Variants in MDGA2 observed in about 807,000 individuals in gnomAD.
The protein encoded by MDGA2 is MAM domain containing glycosylphosphatidylinositol anchor 2, also known as MAM domain-containing glycosylphosphatidylinositol anchor protein 2.
In MDGA2, 40 loss-of-function variants were observed where a neutral mutation model predicts 117.8. The observed-to-expected ratio is 0.34, with a 90% CI of 0.26 to 0.44. The LOEUF is 0.44. MDGA2 is among the 20% of genes least tolerant of loss of function. MDGA2 has a pLI of 1.00. For synonymous variants in MDGA2, 452 were observed against 439.0 expected, an observed-to-expected ratio of 1.03 and a Z score of -0.37; for missense variants, 1,123 against 1,250.6, an observed-to-expected ratio of 0.90 and a Z score of 1.54.
intron 3 of MDGA2, among the ~76,000 whole-genome samples, chr14:47,187,470 C>A (rs1884952675): frequency 6.6e-6 from 1 of 151,934 alleles, no homozygotes; most frequent in African/African-American, 2.4e-5. Context: ...CTTAAAAATT[C>A]ATTGAAATTT....
intron 3 of MDGA2, among the ~76,000 whole-genome samples, chr14:47,201,873 T>C (rs1204484412): frequency 6.6e-6 from 1 of 152,208 alleles, no homozygotes; most frequent in African/African-American, 2.4e-5. Context: ...AAATGGGACT[T>C]GTACCTATTT....
intron 1 of MDGA2, among the ~76,000 whole-genome samples, chr14:47,399,384 T>G (rs751931277): frequency 6.6e-6 from 1 of 152,138 alleles, no homozygotes; most frequent in African/African-American, 2.4e-5. Flanking sequence ...AAACTGGAAA[T>G]AGGAAATATC....
At chr14:46,845,022 C>G (rs1180197595) in intron 16 of MDGA2, among the ~76,000 whole-genome samples, 1 of 152,164 alleles carries the variant, frequency 6.6e-6, no homozygotes, top group African/African-American at 2.4e-5. Flanking sequence ...GCTGGGACTA[C>G]AGGGACTACA....
intron 7 of MDGA2, chr14:47,059,380 C>T (rs1206753701): frequency 1.7e-6 from 2 of 1,168,744 alleles, no homozygotes; most frequent in African/African-American, 3.1e-5. Flanking sequence ...AATAGTGTTA[C>T]CTTGGGTAGC....
intron 1 of MDGA2, among the ~76,000 whole-genome samples, chr14:47,537,598 A>AAAAAACTT (rs1895246972): frequency 6.9e-6 from 1 of 145,048 alleles, no homozygotes; most frequent in African/African-American, 2.7e-5. Flanking sequence ...AAAAAAAAAA[A>AAAAAACTT]AAAAAAAAAA....
intron 2 of MDGA2, among the ~76,000 whole-genome samples, chr14:47,271,871 T>G (rs1374199736): frequency 6.6e-6 from 1 of 152,170 alleles, no homozygotes; most frequent in South Asian, 2.1e-4. Flanking sequence ...GAAAAACTGT[T>G]TTAATCTAGG....
intron 1 of MDGA2, among the ~76,000 whole-genome samples, chr14:47,466,416 C>A (rs181546632): frequency 6.6e-6 from 1 of 152,048 alleles, no homozygotes; most frequent in Non-Finnish European, 1.5e-5. Context: ...ATGTGAAAAC[C>A]GAATTGACAG....
intron 9 of MDGA2, among the ~76,000 whole-genome samples, chr14:46,953,750 CATAATTAG>C: frequency 6.6e-6 from 1 of 152,000 alleles, no homozygotes; most frequent in Non-Finnish European, 1.5e-5. Context: ...TTAGTGGGAA[CATAATTAG>C]AATAGCTTAG....
chr14:47,068,408 GAA>G lies in MDGA2; in HGVS notation c.1196-6832_1196-6831del, dbSNP rs34161987. 9.0e-5 allele frequency among the ~76,000 whole-genome samples: 12 copies of G among 133,848 alleles called. 1 individual carries two copies. The highest frequency in any genetic ancestry group is 2.4e-4 in the African/African-American group (9 of 36,876). The allele number at this position is 133,848 out of a possible 152,430, so 87.8% of individuals were successfully genotyped here. A position where few individuals can be genotyped will look rare whatever the true frequency, so the allele number is the denominator to read the frequency against. On this transcript the variant is annotated intron_variant, in intron 6 of 16. Transcript: ENST00000399232. ...ACCATTTTAATCCTATTTTAAGTAA[GAA>G]AAAAAAAATATATATATATATATTG...
chr14:47,094,530 T>C (rs984183988), intron 6 of MDGA2, among the ~76,000 whole-genome samples: 1 of 152,046 alleles, frequency 6.6e-6, no homozygotes, highest in African/African-American at 2.4e-5. Context: ...TTCAATATAG[T>C]TGCAAATGAT....
intron 1 of MDGA2, among the ~76,000 whole-genome samples, chr14:47,336,127 T>C (rs1395695522): frequency 6.6e-6 from 1 of 151,656 alleles, no homozygotes; most frequent in African/African-American, 2.4e-5. Flanking sequence ...CAAGAAAAAG[T>C]GTAGGAGTGG....
At chr14:47,350,822 A>G (rs1483214094) in intron 1 of MDGA2, among the ~76,000 whole-genome samples, 2 of 152,254 alleles carry the variant, frequency 1.3e-5, no homozygotes, top group Non-Finnish European at 2.9e-5. Context: ...TCAATAAAAG[A>G]CAAGGGAGTT....
intron 3 of MDGA2, among the ~76,000 whole-genome samples, chr14:47,154,709 G>C (rs920934025): frequency 6.6e-5 from 10 of 152,206 alleles, no homozygotes; most frequent in African/African-American, 2.2e-4. Context: ...ACTTTAGGTA[G>C]TGACAAGTAC....
At chr14:46,992,347 T>G (rs1359728575) in intron 8 of MDGA2, among the ~76,000 whole-genome samples, 1 of 152,182 alleles carries the variant, frequency 6.6e-6, no homozygotes, top group Non-Finnish European at 1.5e-5. Context: ...GATTAAAATC[T>G]ACCAATGTTA....
intron 3 of MDGA2, among the ~76,000 whole-genome samples, chr14:47,174,211 A>C (rs1379793402): frequency 5.9e-5 from 9 of 152,248 alleles, no homozygotes; most frequent in African/African-American, 1.9e-4. Flanking sequence ...AGACTTTAAC[A>C]CCCCATTGTC....
chr14:46,944,965 C>G (rs918265955), intron 9 of MDGA2, among the ~76,000 whole-genome samples: 1 of 151,944 alleles, frequency 6.6e-6, no homozygotes, highest in African/African-American at 2.4e-5. Context: ...TTTTAATAAA[C>G]TACTATTATT....
rs1396029688 is a variant in MDGA2, at chr14:47,143,643, T to A, written c.792+435A>T. On this transcript the variant is annotated intron_variant, in intron 4 of 16. Coordinates refer to ENST00000399232, the MANE Select transcript of MDGA2 (RefSeq NM_001113498.3). Reference sequence around the variant, plus strand: ...ACATGACTAAAGGAAATTAAAGACATATCTTTCCTAAAACTAAAGCCAAAT... The same window carrying A: ...ACATGACTAAAGGAAATTAAAGACAAATCTTTCCTAAAACTAAAGCCAAAT... Among the ~76,000 whole-genome samples the A allele has an allele frequency of 3.3e-5, 5 of 152,292 alleles. 1 individual carries two copies. The highest frequency in any genetic ancestry group is 9.6e-5 in the African/African-American group (4 of 41,582).
intron 10 of MDGA2, among the ~76,000 whole-genome samples, chr14:46,912,489 A>G (rs890564470): frequency 6.6e-6 from 1 of 152,176 alleles, no homozygotes; most frequent in Non-Finnish European, 1.5e-5. Context: ...TCTAATCTGG[A>G]TAACGGTTTT....
chr14:47,453,949 TA>T (rs1893292863), intron 1 of MDGA2, among the ~76,000 whole-genome samples: 1 of 152,212 alleles, frequency 6.6e-6, no homozygotes, highest in Non-Finnish European at 1.5e-5. Context: ...GTGAGTCTTC[TA>T]ATCTCATGGA....
Sources: allele counts gnomAD v4.1 joint callset (sites outside exome capture counted in the v4.1 genomes callset), GRCh38; gene constraint gnomAD v4.1.1; transcripts MANE v1.5; gene names NCBI Gene and HGNC (gene_info 2026-07-23, HGNC 2026-07-21).